The following PCDHA2 variants were observed in gnomAD, a reference collection of about 807,000 sequenced individuals.
PCDHA2 encodes the protein protocadherin alpha-2.
In PCDHA2, 58 loss-of-function variants were observed where a neutral mutation model predicts 66.0. The ratio of observed to expected loss-of-function variants is 0.88; its 90% CI spans 0.71 to 1.09. The LOEUF (loss-of-function observed/expected upper bound fraction) is 1.09. Among genes scored for constraint, PCDHA2 ranks in the 50% least tolerant of loss-of-function variants. The pLI is 0.00. For synonymous variants in PCDHA2, 634 were observed against 554.0 expected, an observed-to-expected ratio of 1.14 and a Z score of -2.03; for missense variants, 1,267 against 1,242.3, an observed-to-expected ratio of 1.02 and a Z score of -0.30.
At chr5:140,856,978 G>A in intron 1 of PCDHA2, 2 of 1,594,578 alleles carry the variant, frequency 1.3e-6, no homozygotes, top group Non-Finnish European at 1.7e-6. Context: ...TTGACTTTGA[G>A]GACAGTAACA....
At chr5:140,948,321 T>C (rs922752818) in intron 1 of PCDHA2, among the ~76,000 whole-genome samples, 7 of 151,748 alleles carry the variant, frequency 4.6e-5, no homozygotes, top group South Asian at 4.1e-4. Flanking sequence ...AGGGGTAATG[T>C]TTTCATTAGG....
chr5:140,958,079 T>C (rs182718226), intron 1 of PCDHA2, among the ~76,000 whole-genome samples: 1 of 152,202 alleles, frequency 6.6e-6, no homozygotes, highest in East Asian at 1.9e-4. Context: ...AAGCAAAAAG[T>C]AAAGTTGTAC....
chr5:140,884,521 G>C (rs569278761), intron 1 of PCDHA2: 1 of 1,614,196 alleles, frequency 6.2e-7, no homozygotes, highest in African/African-American at 1.3e-5. Context: ...GGTCGTACTC[G>C]CAGCAGAGGC....
chr5:140,847,677 T>A (rs1554141874), intron 1 of PCDHA2: 1 of 149,738 alleles, frequency 6.7e-6, no homozygotes, highest in African/African-American at 2.4e-5. Flanking sequence ...TTGGAAAGAA[T>A]CAAAACAACA....
At chr5:140,869,084 G>A (rs2050835199) in intron 1 of PCDHA2, 1 of 1,583,106 alleles carries the variant, frequency 6.3e-7, no homozygotes, top group African/African-American at 1.4e-5. Context: ...AGCTTATTTT[G>A]GAAGCCAATT....
intron 1 of PCDHA2, chr5:140,968,059 G>A (rs1554230273): frequency 6.2e-7 from 1 of 1,614,106 alleles, no homozygotes; most frequent in South Asian, 1.1e-5. Context: ...ACCGAGAGCG[G>A]GTGGCTGTCT....
intron 1 of PCDHA2, chr5:140,967,632 A>G (rs371201664): frequency 1.9e-5 from 31 of 1,614,028 alleles, no homozygotes; most frequent in Admixed American, 1.7e-4. Context: ...GAGGGCTCCA[A>G]TGGTGAGCTC....
chr5:140,801,944 C>A, intron 1 of PCDHA2: 1 of 1,614,178 alleles, frequency 6.2e-7, no homozygotes, highest in African/African-American at 1.3e-5. Context: ...TCTATAAAGT[C>A]AGATTACTCG....
rs1335716065 is a variant in PCDHA2 at position 140,875,555 on chromosome 5, G to A, written c.2388+78203G>A. On this transcript the variant is annotated intron_variant, in intron 1 of 3. Coordinates refer to ENST00000526136, the MANE Select transcript of PCDHA2 (RefSeq NM_018905.3). ...CTCCTTGCAGCCTGGGAGGTGGGGA[G>A]CGGCCAGCTCCACTACTCCGTCTAC... is the stretch of plus-strand genomic sequence containing the variant. 5 of 1,614,018 alleles carry A rather than the reference G, an allele frequency of 3.1e-6. No individual in the cohort carries two copies. In the East Asian group the frequency reaches 6.7e-5, roughly 22 times the overall value.
rs533097473 is a variant in PCDHA2 at position 140,902,214 on chromosome 5, T to C, written c.2389-76735T>C. ...CTCTCTCTCTCTTTCTTTTTTTTTT[T>C]TTTTTTTGAGATGAGGACTTGCTTT... On this transcript the variant is annotated intron_variant, in intron 1 of 3. Coordinates refer to ENST00000526136, the MANE Select transcript of PCDHA2 (RefSeq NM_018905.3). Among the ~76,000 whole-genome samples the C allele has an allele frequency of 1.3e-3, 198 of 150,584 alleles. 6 individuals are homozygous for C. The South Asian group carries it at 0.04, about 30-fold the overall frequency.
intron 1 of PCDHA2, among the ~76,000 whole-genome samples, chr5:140,799,197 C>T (rs1324412591): frequency 6.6e-6 from 1 of 152,064 alleles, no homozygotes; most frequent in Non-Finnish European, 1.5e-5. Flanking sequence ...CAAAATGGCT[C>T]AATCTTCTAA....
At chr5:140,799,906 G>A (rs561074351) in intron 1 of PCDHA2, among the ~76,000 whole-genome samples, 15 of 151,890 alleles carry the variant, frequency 9.9e-5, no homozygotes, top group Admixed American at 7.9e-4. Flanking sequence ...TTCCAAATGC[G>A]GCGAGAATTC....
intron 1 of PCDHA2, chr5:140,862,477 A>G (rs1227905551): frequency 2.6e-6 from 1 of 379,090 alleles, no homozygotes; most frequent in African/African-American, 2.1e-5. Context: ...AAATCTATCC[A>G]TTGTTGGTAA....
At chr5:140,860,140 T>C (rs1451807345) in intron 1 of PCDHA2, 2 of 150,358 alleles carry the variant, frequency 1.3e-5, no homozygotes, top group African/African-American at 2.4e-5. Flanking sequence ...TGTGTATATA[T>C]ATGTATATAT....
At chr5:140,842,470 G>A (rs782055761) in intron 1 of PCDHA2, 2 of 1,613,802 alleles carry the variant, frequency 1.2e-6, no homozygotes, top group South Asian at 1.1e-5. Context: ...GTGCCAACGG[G>A]CAGGTGACCT....
chr5:140,824,197 C>G, intron 1 of PCDHA2: 1 of 1,598,572 alleles, frequency 6.3e-7, no homozygotes, highest in Non-Finnish European at 8.6e-7. Context: ...CATTCACCCA[C>G]TTTTTTTGTA....
chr5:140,894,138 T>A (rs1224822611), intron 1 of PCDHA2, among the ~76,000 whole-genome samples: 2 of 152,112 alleles, frequency 1.3e-5, no homozygotes, highest in Non-Finnish European at 2.9e-5. Flanking sequence ...TTGAAATAAT[T>A]CCCTTCTATG....
intron 1 of PCDHA2, chr5:140,834,138 ATAGT>A (rs1772812314): frequency 2.0e-6 from 1 of 499,248 alleles, no homozygotes; most frequent in Non-Finnish European, 3.5e-6. Context: ...CATCTGATTA[ATAGT>A]TTGTAATGGT....
chr5:140,970,026 T>A (rs2153783055), intron 1 of PCDHA2, among the ~76,000 whole-genome samples: 1 of 152,304 alleles, frequency 6.6e-6, no homozygotes, highest in Non-Finnish European at 1.5e-5. Context: ...GGCAGAGAGA[T>A]TAAGTACCAA....
Sources: gnomAD v4.1 joint callset for allele counts (sites outside exome capture counted in the v4.1 genomes callset) on GRCh38, gnomAD v4.1.1 for gene constraint, MANE v1.5 for transcripts, NCBI Gene and HGNC (gene_info 2026-07-23, HGNC 2026-07-21) for gene names.